Variants in PEAK1 observed in about 807,000 individuals in gnomAD.
PEAK1 encodes the protein pseudopodium enriched atypical kinase 1.
PEAK1 carries 54 observed loss-of-function variants against 124.7 expected under a neutral mutation model. The observed-to-expected ratio is 0.43, with a 90% CI of 0.35 to 0.54. The LOEUF is 0.54. PEAK1 is among the 20% of genes least tolerant of loss of function. The pLI, the probability that PEAK1 is intolerant of heterozygous loss-of-function variation, is 0.01. For missense variants in PEAK1, 2,046 were observed against 2,134.5 expected (o/e 0.96, Z 0.82); for synonymous variants, 719 against 760.0 (o/e 0.95, Z 0.89).
At chr15:77,401,669 G>C (rs1047400110) in intron 1 of PEAK1, 1 of 984,956 alleles carries the variant, frequency 1.0e-6, no homozygotes, top group Non-Finnish European at 1.2e-6. Context: ...ACATTGCCAC[G>C]AAAGAACTCA....
intron 5 of PEAK1, among the ~76,000 whole-genome samples, chr15:77,271,134 A>G (rs2062008662): frequency 6.6e-6 from 1 of 152,204 alleles, no homozygotes; most frequent in South Asian, 2.1e-4. Context: ...ATGAACAGAC[A>G]CTTCTCAAAA....
chr15:77,373,140 T>A (rs12917347), intron 1 of PEAK1, among the ~76,000 whole-genome samples: 11,743 of 152,282 alleles, frequency 0.077, 579 homozygotes, highest in Non-Finnish European at 0.1. Flanking sequence ...AAAGCAAGTG[T>A]CAGAGAAAAA....
At chr15:77,147,242 A>G (rs368931792) in intron 8 of PEAK1, among the ~76,000 whole-genome samples, 8 of 152,328 alleles carry the variant, frequency 5.3e-5, no homozygotes, top group African/African-American at 1.9e-4. Flanking sequence ...AGATTTTCCT[A>G]ATCTGGTAAT....
chr15:77,334,770 T>C (rs1471459761), intron 2 of PEAK1: 1 of 985,272 alleles, frequency 1.0e-6, no homozygotes, highest in African/African-American at 1.7e-5. Flanking sequence ...CCTGTCTTCC[T>C]TTTGTCTTAT....
At chr15:77,292,490 C>CAA (rs545840868) in intron 2 of PEAK1, among the ~76,000 whole-genome samples, 1 of 136,780 alleles carries the variant, frequency 7.3e-6, no homozygotes, top group Non-Finnish European at 1.6e-5. Context: ...GCAAAATTAC[C>CAA]AAAAAAAAAA....
intron 5 of PEAK1, among the ~76,000 whole-genome samples, chr15:77,279,605 T>C (rs1266605465): frequency 2.6e-5 from 4 of 152,306 alleles, no homozygotes; most frequent in African/African-American, 9.6e-5. Context: ...CGTGAAAAGT[T>C]GTTAAACAAC....
intron 1 of PEAK1, among the ~76,000 whole-genome samples, chr15:77,398,232 G>A (rs1297081244): frequency 6.6e-6 from 1 of 152,012 alleles, no homozygotes; most frequent in Non-Finnish European, 1.5e-5. Context: ...TAGAGGAGGA[G>A]GAATGCTTCC....
rs936225000 is a variant in PEAK1 at position 77,220,737 on chromosome 15, C to T, written c.-115+31630G>A. On this transcript the variant is annotated intron_variant, in intron 6 of 9. Transcript: ENST00000682557. ...ATGTTCAATGATTAATCTATATGCA[C>T]GAATAAGTTTCCTCAGATATTTCTT... is the stretch of plus-strand genomic sequence containing the variant. Among the ~76,000 whole-genome samples, 12 of 151,892 alleles carry T rather than the reference C, an allele frequency of 7.9e-5. No homozygotes were observed. In the East Asian group the frequency reaches 1.5e-3, roughly 19 times the overall value.
chr15:77,122,371 G>C lies in PEAK1; in HGVS notation c.4078-7052C>G, dbSNP rs185610541. Among the ~76,000 whole-genome samples the C allele has an allele frequency of 3.7e-3, 561 of 152,228 alleles. 5 individuals carry two copies. Among genetic ancestry groups the C allele is most frequent in the African/African-American group, 0.013 (524 of 41,524 alleles). ...CCAAAGCTTTTCACTCTCCCACTCA[G>C]CATGTGTATCCAATGAAAATAACTT... On this transcript the variant is annotated intron_variant, in intron 9 of 9. Coordinates refer to ENST00000682557, the MANE Select transcript of PEAK1 (RefSeq NM_001385026.1).
At chr15:77,352,429 C>T (rs529294821) in intron 2 of PEAK1, 42 of 985,250 alleles carry the variant, frequency 4.3e-5, no homozygotes, top group Admixed American at 3.1e-4. Context: ...CAGATACACG[C>T]ACCACTAGGC....
chr15:77,133,344 T>C lies in PEAK1; in HGVS notation c.3738A>G (p.Arg1246=), dbSNP rs762020938. ...AGAGGGATTCCATGCTGTTGGAAAA[T>C]CTATCCTTAATACTGAGAGTGGTTA... The part of the protein sequence containing the change: ...SSLTTLSIKD[R]FSNSMESLSS... The change falls in exon 9 of 10, where the codon AGA becomes AGG. Residue 1246 remains arginine (R), a synonymous_variant. Transcript: ENST00000682557. The surrounding 1 kb of genome is among the most constrained non-coding windows in gnomAD (Gnocchi z 4.2). 1.2e-6 allele frequency: 2 copies of C among 1,614,206 alleles called. No homozygotes were observed. The highest frequency in any genetic ancestry group is 1.7e-5 in the Admixed American group (1 of 60,022).
intron 6 of PEAK1, among the ~76,000 whole-genome samples, chr15:77,215,821 G>T (rs1025872491): frequency 1.3e-5 from 2 of 151,988 alleles, no homozygotes; most frequent in Non-Finnish European, 2.9e-5. Context: ...TGCCTAACAC[G>T]TGTAACAAAC....
chr15:77,250,196 T>C (rs868597673), intron 6 of PEAK1, among the ~76,000 whole-genome samples: 29 of 113,498 alleles, frequency 2.6e-4, no homozygotes, highest in African/African-American at 7.4e-4. Flanking sequence ...TATATACATA[T>C]ATATACATAT....
intron 2 of PEAK1, chr15:77,333,654 A>G: frequency 1.0e-6 from 1 of 973,370 alleles, no homozygotes; most frequent in Non-Finnish European, 1.2e-6. Flanking sequence ...TTCTTGTGAT[A>G]ATTTTAAGTC....
chr15:77,228,409 C>T (rs894974325), intron 6 of PEAK1, among the ~76,000 whole-genome samples: 2 of 152,134 alleles, frequency 1.3e-5, no homozygotes, highest in African/African-American at 2.4e-5. Context: ...AGATAATTTG[C>T]TTTGGCCTGG....
rs377694433 is a variant in PEAK1, at chr15:77,133,711, C to T, written c.3371G>A (p.Arg1124Gln). Residue 1124 changes from arginine (R) to glutamine (Q), a missense_variant, in exon 9 of 10, where the codon CGA (arginine) becomes CAA (glutamine). Physicochemically the swap from Arg to Gln is conservative, Grantham distance 43. Coordinates refer to ENST00000682557, the MANE Select transcript of PEAK1 (RefSeq NM_001385026.1). This position sits in a 1 kb window ranked among gnomAD's most constrained non-coding sequence, Gnocchi z 4.2. Reference sequence around the variant, plus strand: ...ATCGTCCACAGCTCCCTTGGGCTGTCGTGGCTGCTTGGGAGGTATCATGGC... The same window carrying T: ...ATCGTCCACAGCTCCCTTGGGCTGTTGTGGCTGCTTGGGAGGTATCATGGC... The part of the protein sequence containing the change: ...RAAMIPPKQP[R>Q]QPKGAVDDAI... 1.9e-6 allele frequency: 3 copies of T among 1,612,446 alleles called. No homozygotes were observed. The highest frequency in any genetic ancestry group is 1.7e-6 in the Non-Finnish European group (2 of 1,179,310).
intron 8 of PEAK1, among the ~76,000 whole-genome samples, chr15:77,135,435 C>T (rs894752044): frequency 6.6e-6 from 1 of 152,186 alleles, no homozygotes; most frequent in African/African-American, 2.4e-5. Context: ...AGTGTACTTA[C>T]ACGAACCTAG....
At position 77,181,267 on chromosome 15, in the gene PEAK1, A is replaced by T; in HGVS notation, c.660T>A (p.Asn220Lys). 1 of 1,613,944 alleles carries T rather than the reference A, an allele frequency of 6.2e-7. No individual in the cohort carries two copies. The highest frequency in any genetic ancestry group is 8.5e-7 in the Non-Finnish European group (1 of 1,180,018). ...ILSGSTEVISNEGGRFCYPEF... is the reference protein window; with the variant it reads ...ILSGSTEVISKEGGRFCYPEF... ...CTGGGTAACAGAACCGGCCCCCTTCATTACTAATCACTTCTGTGCTCCCAC... is the reference window on the plus strand; with the variant it reads ...CTGGGTAACAGAACCGGCCCCCTTCTTTACTAATCACTTCTGTGCTCCCAC... The change falls in exon 7 of 10, where the codon AAT becomes AAA. Residue 220 changes from asparagine to lysine, a missense_variant. By Grantham distance (94) the Asn-to-Lys change is moderately conservative. Coordinates refer to ENST00000682557, the MANE Select transcript of PEAK1 (RefSeq NM_001385026.1).
rs750862175 is a variant in PEAK1 at position 77,114,935 on chromosome 15, A to C, written c.4462T>G (p.Leu1488Val). 1 of 1,614,098 alleles carries C rather than the reference A, an allele frequency of 6.2e-7. No homozygotes were observed. The highest frequency in any genetic ancestry group is 1.7e-5 in the Admixed American group (1 of 60,022). The change falls in exon 10 of 10, where the codon TTG (leucine) becomes GTG (valine). Residue 1488 changes from leucine (L) to valine (V), a missense_variant. Coordinates refer to ENST00000682557, the MANE Select transcript of PEAK1 (RefSeq NM_001385026.1). ...SLAQHGKSPD[L>V]YERQVCLLLL... Reference sequence around the variant, plus strand: ...AGCAGACACACCTGCCTCTCATACAAATCAGGGCTTTTCCCATGCTGGGCC... The same window carrying C: ...AGCAGACACACCTGCCTCTCATACACATCAGGGCTTTTCCCATGCTGGGCC...
Sources: allele counts gnomAD v4.1 joint callset (sites outside exome capture counted in the v4.1 genomes callset), GRCh38; gene constraint gnomAD v4.1.1; non-coding constraint Gnocchi (gnomAD v3.1); transcripts MANE v1.5; gene names NCBI Gene and HGNC (gene_info 2026-07-23, HGNC 2026-07-21).